Variants in USP34 observed in about 807,000 individuals in gnomAD.
USP34 encodes the protein ubiquitin specific peptidase 34.
In USP34, 70 loss-of-function variants were observed where a neutral mutation model predicts 460.3. The ratio of observed to expected loss-of-function variants is 0.15; its 90% CI spans 0.13 to 0.19. USP34 has a LOEUF of 0.19. Among genes scored for constraint, USP34 ranks in the 10% least tolerant of loss-of-function variants. The probability of loss-of-function intolerance (pLI) is 1.00; values close to 1 mark genes in which losing one functional copy is unlikely to be tolerated. For synonymous variants in USP34, 1,647 were observed against 1,405.3 expected (o/e 1.17, Z -3.85); for missense variants, 3,985 against 4,236.2 (o/e 0.94, Z 1.65).
chr2:61,293,451 A>T lies in USP34; in HGVS notation c.4548+13T>A. On this transcript the variant is annotated intron_variant, in intron 33 of 79. Coordinates refer to ENST00000398571, the MANE Select transcript of USP34 (RefSeq NM_014709.4). ...ACTACTGTAACTAGTTGAAACCATA[A>T]ATATGCACTTACCACAGTCCATGAT... The T allele has an allele frequency of 6.2e-7, 1 of 1,603,986 alleles. No homozygotes were observed. The highest frequency in any genetic ancestry group is 1.1e-5 in the South Asian group (1 of 89,588).
rs1029025269 is a variant in USP34 at position 61,470,188 on chromosome 2, G to A, written c.43+462C>T. ...GGGAAAAACCACCACCCTGCTCCCG[G>A]GAGTTTAATGAAAATTAGCAGGTAA... On this transcript the variant is annotated intron_variant, in intron 1 of 79. Coordinates refer to ENST00000398571, the MANE Select transcript of USP34 (RefSeq NM_014709.4). Among the ~76,000 whole-genome samples the A allele has an allele frequency of 3.9e-5, 6 of 152,156 alleles. No homozygotes were observed. The East Asian group carries it at 9.7e-4, about 24-fold the overall frequency.
In USP34 at chr2:61,206,773, A is replaced by G; in HGVS notation, c.9033T>C (p.Tyr3011=). ...FLSVLKSTRP[Y]LQRKDVKQAL... Reference sequence around the variant, plus strand: ...GAATGAGCAAACCTTTTCTCTGAAGATAAGGGCGTGTAGACTTCAAAACCG... The same window carrying G: ...GAATGAGCAAACCTTTTCTCTGAAGGTAAGGGCGTGTAGACTTCAAAACCG... The change falls in exon 71 of 80, where the codon TAT becomes TAC. Residue 3011 remains tyrosine, a synonymous_variant. Transcript: ENST00000398571. 3 of 1,613,620 alleles carry G rather than the reference A, an allele frequency of 1.9e-6. No homozygotes were observed. Among genetic ancestry groups the G allele is most frequent in the South Asian group, 1.1e-5 (1 of 91,024 alleles).
chr2:61,205,377 G>C (rs953129716), intron 72 of USP34, among the ~76,000 whole-genome samples: 1 of 152,174 alleles, frequency 6.6e-6, no homozygotes, highest in Non-Finnish European at 1.5e-5. Context: ...GTTACTGCTT[G>C]TGTGCCCTTC....
chr2:61,342,471 A>AC (rs1558539114), intron 16 of USP34, among the ~76,000 whole-genome samples: 2 of 143,620 alleles, frequency 1.4e-5, no homozygotes, highest in Admixed American at 7.0e-5. Flanking sequence ...CAGCTAATTT[A>AC]TTTTTTTTTT....
intron 34 of USP34, among the ~76,000 whole-genome samples, chr2:61,285,989 A>T (rs1689678349): frequency 6.6e-6 from 1 of 152,244 alleles, no homozygotes; most frequent in Non-Finnish European, 1.5e-5. Context: ...TGGGGCAGGC[A>T]GCCACAGAAA....
At chr2:61,469,316 A>G (rs1695876752) in intron 1 of USP34, among the ~76,000 whole-genome samples, 2 of 152,226 alleles carry the variant, frequency 1.3e-5, no homozygotes, top group African/African-American at 4.8e-5. Flanking sequence ...TCATAATCAC[A>G]CGACTTGTAT....
At chr2:61,206,279 C>T (rs1480836584) in intron 71 of USP34, among the ~76,000 whole-genome samples, 155 bp from the exon 72 acceptor site, 1 of 152,202 alleles carries the variant, frequency 6.6e-6, no homozygotes, top group Admixed American at 6.5e-5. Context: ...GAGATGATTA[C>T]TACTAATGTT....
At chr2:61,322,973 T>C (rs1486294355) in intron 21 of USP34, among the ~76,000 whole-genome samples, 1 of 152,228 alleles carries the variant, frequency 6.6e-6, no homozygotes, top group Non-Finnish European at 1.5e-5. Context: ...TTTGTTATTT[T>C]TTAAAAGACT....
chr2:61,405,437 T>C (rs1693843146), intron 3 of USP34, among the ~76,000 whole-genome samples: 1 of 152,218 alleles, frequency 6.6e-6, no homozygotes, highest in East Asian at 1.9e-4. Context: ...AGTCATAAAA[T>C]AAGCATAGAT....
intron 27 of USP34, among the ~76,000 whole-genome samples, chr2:61,310,706 G>C (rs1210124258): frequency 2.0e-5 from 3 of 151,084 alleles, no homozygotes; most frequent in African/African-American, 4.9e-5. Context: ...AGGCCTACAT[G>C]AAAAATTTCT....
intron 67 of USP34, among the ~76,000 whole-genome samples, chr2:61,216,488 T>C (rs1687399912): frequency 6.6e-6 from 1 of 152,032 alleles, no homozygotes; most frequent in South Asian, 2.1e-4. Context: ...TAGTCCCAGC[T>C]ACTCGGGAGG....
intron 43 of USP34, among the ~76,000 whole-genome samples, chr2:61,264,145 ATCAT>A (rs1485140750): frequency 7.9e-5 from 12 of 152,236 alleles, no homozygotes; most frequent in African/African-American, 2.9e-4. Context: ...AAATGAACTA[ATCAT>A]TCAACTACTT....
At chr2:61,408,940 G>A (rs1207567647) in intron 2 of USP34, among the ~76,000 whole-genome samples, 5 of 151,418 alleles carry the variant, frequency 3.3e-5, no homozygotes, top group South Asian at 2.1e-4. Context: ...CTTGAGTGTC[G>A]GGGGGTGCGC....
intron 1 of USP34, among the ~76,000 whole-genome samples, chr2:61,445,478 T>G (rs1196246129): frequency 5.5e-5 from 8 of 144,428 alleles, no homozygotes; most frequent in African/African-American, 2.1e-4. Flanking sequence ...GAGTTTGCAG[T>G]GAGCCGAGAT....
chr2:61,444,829 C>T (rs938990290), intron 1 of USP34, among the ~76,000 whole-genome samples: 1 of 151,042 alleles, frequency 6.6e-6, no homozygotes, highest in Non-Finnish European at 1.5e-5. Context: ...CCTTTTTTGG[C>T]TTTGGAGCAC....
At chr2:61,455,077 T>A (rs960532668) in intron 1 of USP34, among the ~76,000 whole-genome samples, 2 of 152,000 alleles carry the variant, frequency 1.3e-5, no homozygotes, top group African/African-American at 4.8e-5. Flanking sequence ...GGACAGGGTT[T>A]CACCATGTTG....
intron 29 of USP34, among the ~76,000 whole-genome samples, chr2:61,297,951 C>T (rs924778192): frequency 1.3e-5 from 2 of 152,110 alleles, no homozygotes; most frequent in African/African-American, 4.8e-5. Flanking sequence ...TTGCGCTATA[C>T]TTGAGGAAAT....
intron 69 of USP34, among the ~76,000 whole-genome samples, chr2:61,210,919 A>G (rs1306830885): frequency 6.6e-6 from 1 of 152,146 alleles, no homozygotes; most frequent in African/African-American, 2.4e-5. Flanking sequence ...GGGTTTTACT[A>G]TGTTGCCCAG....
intron 32 of USP34, among the ~76,000 whole-genome samples, chr2:61,294,518 A>T (rs1689964630): frequency 6.6e-6 from 1 of 151,862 alleles, no homozygotes; most frequent in African/African-American, 2.4e-5. Context: ...TCCTGGGTTC[A>T]AGTGATTCTC....
Sources: gnomAD v4.1 joint callset for allele counts (sites outside exome capture counted in the v4.1 genomes callset) on GRCh38, gnomAD v4.1.1 for gene constraint, MANE v1.5 for transcripts, NCBI Gene and HGNC (gene_info 2026-07-23, HGNC 2026-07-21) for gene names.